Variants in VPS13A observed in about 807,000 individuals in gnomAD.
VPS13A encodes intermembrane lipid transfer protein VPS13A.
A neutral mutation model predicts 390.9 loss-of-function variants in VPS13A; 264 were observed. That is an observed-to-expected ratio of 0.68 (90% CI 0.61 to 0.75). The LOEUF (loss-of-function observed/expected upper bound fraction) is 0.75, where lower values mean the gene tolerates loss of function less well. VPS13A is among the 30% of genes least tolerant of loss of function. The probability of loss-of-function intolerance (pLI) is 0.00; values close to 1 mark genes in which losing one functional copy is unlikely to be tolerated. For missense variants in VPS13A, 3,409 were observed against 3,733.9 expected, an observed-to-expected ratio of 0.91 and a Z score of 2.27; for synonymous variants, 1,231 against 1,227.1, an observed-to-expected ratio of 1.00 and a Z score of -0.07.
chr9:77,217,074 CA>C (rs1368336791), intron 10 of VPS13A, among the ~76,000 whole-genome samples: 1 of 152,052 alleles, frequency 6.6e-6, no homozygotes, highest in African/African-American at 2.4e-5. Flanking sequence ...TTGCATCTTT[CA>C]ATACAATTGA....
chr9:77,275,355 T>A (rs1826588804), intron 24 of VPS13A, 143 bp from the exon 25 acceptor site: 2 of 777,852 alleles, frequency 2.6e-6, no homozygotes, highest in Non-Finnish European at 4.1e-6. Context: ...TCTATATTAT[T>A]TTCTGTTTAT....
In VPS13A at chr9:77,366,776, C is replaced by G. The variant is rs756865623; in HGVS notation, c.8375C>G (p.Ser2792Ter). The G allele has an allele frequency of 1.2e-6, 2 of 1,613,106 alleles. No homozygotes were observed. The highest frequency in any genetic ancestry group is 1.7e-6 in the Non-Finnish European group (2 of 1,179,444). Reference protein sequence around the residue: ...LSSGREEAKDSKQNGGLIPVH... With the variant: ...LSSGREEAKD ...TCCGGCAGAGAAGAAGCTAAAGATT[C>G]AAAACAAAATGGAGGACTGATTCCA... Residue 2792 changes from serine to a stop codon, truncating the protein, a stop_gained, in exon 61 of 72, where the codon TCA (serine) becomes TGA (stop). Coordinates refer to ENST00000360280, the MANE Select transcript of VPS13A (RefSeq NM_033305.3). LOFTEE classifies it high-confidence loss of function.
At chr9:77,296,844 TG>T (rs747627383) in intron 33 of VPS13A, among the ~76,000 whole-genome samples, 14 of 152,168 alleles carry the variant, frequency 9.2e-5, no homozygotes, top group Non-Finnish European at 1.8e-4. Context: ...TTAATAAATT[TG>T]GGGCTATTCA....
At chr9:77,253,169 C>T (rs1825239146) in intron 22 of VPS13A, among the ~76,000 whole-genome samples, 1 of 152,072 alleles carries the variant, frequency 6.6e-6, no homozygotes. Context: ...AATAGTCATC[C>T]TAATAGGTGT....
Position 77,321,154 on chromosome 9 carries a change from G to A in VPS13A, c.5416-15G>A, listed in dbSNP as rs763789615. ...TTAGAATTTTTCCTTATATTTCTAT[G>A]ATTTATCATTTTAGATGAAAAAGAA... On this transcript the variant is annotated splice_polypyrimidine_tract_variant and intron_variant, in intron 42 of 71. Coordinates refer to ENST00000360280, the MANE Select transcript of VPS13A (RefSeq NM_033305.3). 17 of 1,608,216 alleles carry A rather than the reference G, an allele frequency of 1.1e-5. No homozygotes were observed. Among genetic ancestry groups the A allele is most frequent in the African/African-American group, 5.4e-5 (4 of 74,708 alleles).
At chr9:77,339,474 A>C in intron 47 of VPS13A, 42 bp from the exon 48 acceptor site, 1 of 1,503,972 alleles carries the variant, frequency 6.6e-7, no homozygotes, top group Admixed American at 2.3e-5. Context: ...ATTATTCTGC[A>C]ACATTTTAAA....
chr9:77,414,739 T>TAATAATAA (rs1835096925), intron 71 of VPS13A, among the ~76,000 whole-genome samples: 1 of 145,672 alleles, frequency 6.9e-6, no homozygotes, highest in African/African-American at 2.5e-5. Context: ...TGAAGTATAA[T>TAATAATAA]TAATAATAAT....
chr9:77,361,302 A>G (rs778854330), intron 59 of VPS13A, among the ~76,000 whole-genome samples: 18 of 152,232 alleles, frequency 1.2e-4, no homozygotes, highest in Non-Finnish European at 2.5e-4. Context: ...AGGTTTGCCT[A>G]TTCTGAATAT....
rs745456320 is a variant in VPS13A, at chr9:77,213,274, A to T, written c.656A>T (p.Lys219Met). The T allele has an allele frequency of 6.2e-7, 1 of 1,613,788 alleles. No individual in the cohort carries two copies. The highest frequency in any genetic ancestry group is 1.1e-5 in the South Asian group (1 of 91,074). The change falls in exon 9 of 72, where the codon AAG becomes ATG. Residue 219 changes from lysine (K) to methionine (M), a missense_variant. Physicochemically the swap from Lys to Met is moderately conservative, Grantham distance 95. This residue lies in a region of VPS13A where 2,717 missense variants were observed against 2,917.4 expected (regional missense o/e 0.93). Coordinates refer to ENST00000360280, the MANE Select transcript of VPS13A (RefSeq NM_033305.3). ...AACCTGTTTGCCTATTGGAATGTGA[A>T]GTCTCAGATGTTTTATCTTAGTGAT... is the stretch of plus-strand genomic sequence containing the variant. ...LDNLFAYWNV[K>M]SQMFYLSDYD...
At chr9:77,234,802 TCATTTCTTTTTC>T (rs975786289) in intron 17 of VPS13A, among the ~76,000 whole-genome samples, 6 of 152,200 alleles carry the variant, frequency 3.9e-5, no homozygotes, top group African/African-American at 1.4e-4. Flanking sequence ...TATTTCTTCC[TCATTTCTTTTTC>T]CAAACATATT....
chr9:77,277,336 A>T (rs899970212), intron 26 of VPS13A, among the ~76,000 whole-genome samples: 1 of 152,104 alleles, frequency 6.6e-6, no homozygotes, highest in African/African-American at 2.4e-5. Context: ...TTTCCCATAT[A>T]CTCCTTGTAC....
chr9:77,213,820 A>G (rs1826108052), intron 9 of VPS13A, among the ~76,000 whole-genome samples: 2 of 152,132 alleles, frequency 1.3e-5, no homozygotes, highest in Non-Finnish European at 2.9e-5. Context: ...GCAAATCTAA[A>G]TAGCTCCTAG....
chr9:77,182,318 G>C (rs965414025), intron 1 of VPS13A, among the ~76,000 whole-genome samples: 3 of 151,988 alleles, frequency 2.0e-5, no homozygotes, highest in African/African-American at 7.2e-5. Flanking sequence ...GGTCTCGAAC[G>C]CCTGACCTCA....
chr9:77,413,955 A>G (rs2131672347), intron 71 of VPS13A, among the ~76,000 whole-genome samples: 1 of 152,266 alleles, frequency 6.6e-6, no homozygotes, highest in East Asian at 1.9e-4. Context: ...TTCTCAAAAG[A>G]AGACATTTAT....
intron 29 of VPS13A, 91 bp downstream of exon 29, chr9:77,282,365 A>C (rs1827085614): frequency 8.3e-7 from 1 of 1,206,728 alleles, no homozygotes; most frequent in African/African-American, 1.5e-5. Context: ...TTAACTTCAA[A>C]TATTGGCTTC....
At chr9:77,261,913 A>C (rs1825784987) in intron 23 of VPS13A, among the ~76,000 whole-genome samples, 1 of 152,240 alleles carries the variant, frequency 6.6e-6, no homozygotes, top group African/African-American at 2.4e-5. Flanking sequence ...GTTTGCTAAC[A>C]GTGAATGAAT....
Position 77,416,124 on chromosome 9 carries a change from G to T in VPS13A, c.*118G>T. 2 of 1,215,022 alleles carry T rather than the reference G, an allele frequency of 1.6e-6. No individual in the cohort carries two copies. Among genetic ancestry groups the T allele is most frequent in the Admixed American group, 4.6e-5 (2 of 43,916 alleles). The allele number at this position is 1,215,022 out of a possible 1,614,324, so 75.3% of individuals were successfully genotyped here. On this transcript the variant is annotated 3_prime_UTR_variant, in exon 72 of 72. Transcript: ENST00000360280. Reference sequence around the variant, plus strand: ...ATTTCAAGTACCCTGTATTCTGGATGCTAAAAAACAAAAACAAACAAAAAA... The same window carrying T: ...ATTTCAAGTACCCTGTATTCTGGATTCTAAAAAACAAAAACAAACAAAAAA...
chr9:77,329,187 C>T (rs1387134499), intron 45 of VPS13A, among the ~76,000 whole-genome samples: 1 of 152,190 alleles, frequency 6.6e-6, no homozygotes, highest in Non-Finnish European at 1.5e-5. Flanking sequence ...CAAACTGTAT[C>T]ATATCCAGAC....
intron 23 of VPS13A, among the ~76,000 whole-genome samples, chr9:77,268,018 C>A (rs560120635): frequency 6.6e-6 from 1 of 152,318 alleles, no homozygotes; most frequent in African/African-American, 2.4e-5. Context: ...CCGCTCCCCC[C>A]ACCAAGCATC....
Sources: gnomAD v4.1 joint callset for allele counts (sites outside exome capture counted in the v4.1 genomes callset) on GRCh38, gnomAD v4.1.1 for gene constraint, gnomAD v4.1.1 regional missense constraint, MANE v1.5 for transcripts, NCBI Gene and HGNC (gene_info 2026-07-23, HGNC 2026-07-21) for gene names.